Variants in ZNF644 observed in about 807,000 individuals in gnomAD.
ZNF644 encodes the protein zinc finger motif enhancer binding protein 2.
A neutral mutation model predicts 108.0 loss-of-function variants in ZNF644; 20 were observed. The ratio of observed to expected loss-of-function variants is 0.19; its 90% CI spans 0.13 to 0.27. The LOEUF is 0.27. ZNF644 is among the 10% of genes least tolerant of loss of function. The pLI, the probability that ZNF644 is intolerant of heterozygous loss-of-function variation, is 1.00. For synonymous variants in ZNF644, 542 were observed against 539.1 expected (o/e 1.01, Z -0.08); for missense variants, 1,338 against 1,548.9 (o/e 0.86, Z 2.29).
At chr1:90,991,862 A>G (rs1158314718) in intron 1 of ZNF644, among the ~76,000 whole-genome samples, 1 of 152,188 alleles carries the variant, frequency 6.6e-6, no homozygotes, top group African/African-American at 2.4e-5. Flanking sequence ...ATGTCAAACG[A>G]TTTGTATGCA....
chr1:90,937,880 C>T lies in ZNF644; in HGVS notation c.3293G>A (p.Ser1098Asn). Residue 1098 changes from serine (S) to asparagine (N), a missense_variant, in exon 4 of 6, where the codon AGT becomes AAT. Ser to Asn is a conservative substitution (Grantham distance 46). Around this residue, in one of 6 missense-constraint regions of ZNF644, gnomAD observed 287 missense variants for 310.9 expected, o/e 0.92. Transcript: ENST00000337393. ...AAATGGTCTGGGAATAATACGACGA[C>T]TGTTCAATGCCTTTAAGATTTTTTC... ...KYEKILKALN[S>N]RRIIPRPFVA... 1 of 1,613,878 alleles carries T rather than the reference C, an allele frequency of 6.2e-7. No individual in the cohort carries two copies. The highest frequency in any genetic ancestry group is 1.7e-5 in the Admixed American group (1 of 60,014).
intron 2 of ZNF644, 78 bp from the exon 3 acceptor site, chr1:90,941,387 A>G: frequency 7.7e-7 from 1 of 1,304,144 alleles, no homozygotes; most frequent in Non-Finnish European, 1.1e-6. Flanking sequence ...TTGAAAGTAC[A>G]TATTTTTATT....
intron 1 of ZNF644, among the ~76,000 whole-genome samples, chr1:90,990,044 T>TTATAACTGAAATAAGCCAATCAC (rs1657487749): frequency 4.6e-5 from 7 of 152,184 alleles, no homozygotes; most frequent in Admixed American, 4.6e-4. Context: ...CTCAAGGGCA[T>TTATAACTGAAATAAGCCAATCAC]TATAACTGAA....
intron 1 of ZNF644, among the ~76,000 whole-genome samples, chr1:90,998,766 G>T (rs555560520): frequency 6.6e-6 from 1 of 152,310 alleles, no homozygotes; most frequent in South Asian, 2.1e-4. Flanking sequence ...AAAGGAGGAA[G>T]TTCAAACCCA....
At chr1:90,920,710 T>C (rs1649333093) in intron 4 of ZNF644, among the ~76,000 whole-genome samples, 1 of 152,022 alleles carries the variant, frequency 6.6e-6, no homozygotes, top group Non-Finnish European at 1.5e-5. Context: ...AGGACAACTC[T>C]GCCAGCTTAT....
intron 1 of ZNF644, among the ~76,000 whole-genome samples, chr1:91,004,419 A>T (rs1659210992): frequency 6.6e-6 from 1 of 152,232 alleles, no homozygotes; most frequent in Non-Finnish European, 1.5e-5. Flanking sequence ...GTACTGAAAG[A>T]AAAAGACTCG....
intron 1 of ZNF644, among the ~76,000 whole-genome samples, chr1:90,986,774 G>A (rs1657146382): frequency 6.6e-6 from 1 of 151,470 alleles, no homozygotes; most frequent in Non-Finnish European, 1.5e-5. Context: ...TTATATAAAA[G>A]GTAGGTCACA....
chr1:91,016,395 A>T (rs2100684468), intron 1 of ZNF644, among the ~76,000 whole-genome samples: 1 of 152,292 alleles, frequency 6.6e-6, no homozygotes, highest in Admixed American at 6.5e-5. Context: ...GCCTACTTAC[A>T]CACCTAGGCT....
intron 4 of ZNF644, among the ~76,000 whole-genome samples, chr1:90,936,989 A>G (rs1045775516): frequency 2.0e-5 from 3 of 152,192 alleles, no homozygotes; most frequent in African/African-American, 7.2e-5. Flanking sequence ...TAATCACAAC[A>G]GACACCAATC....
intron 1 of ZNF644, among the ~76,000 whole-genome samples, chr1:91,017,816 G>C (rs1275584913): frequency 6.6e-6 from 1 of 152,036 alleles, no homozygotes; most frequent in East Asian, 1.9e-4. Context: ...ACAAACATTA[G>C]CCAGGTGTGG....
In ZNF644 at chr1:90,938,565, A is replaced by C. The variant is rs1323830772; in HGVS notation, c.2789T>G (p.Leu930Trp). Residue 930 changes from leucine (L) to tryptophan (W), a missense_variant, in exon 3 of 6, where the codon TTG (leucine) becomes TGG (tryptophan). Leu to Trp is a moderately conservative substitution (Grantham distance 61). Around this residue, in one of 6 missense-constraint regions of ZNF644, gnomAD observed 462 missense variants for 472.6 expected, o/e 0.98. Transcript: ENST00000337393. The surrounding 1 kb of genome is among the most constrained non-coding windows in gnomAD (Gnocchi z 4.2). The part of the protein sequence containing the change: ...YYEDTGSNNF[L>W]HEIHDPQHLE... The stretch of plus-strand genomic sequence containing the variant: ...ATGCTGAGGATCATGTATCTCATGC[A>C]AAAAGTTGTTACTTCCAGTATCTTC... 6.2e-7 allele frequency: 1 copy of C among 1,613,794 alleles called. No homozygotes were observed. Among genetic ancestry groups the C allele is most frequent in the Non-Finnish European group, 8.5e-7 (1 of 1,179,892 alleles).
intron 2 of ZNF644, among the ~76,000 whole-genome samples, chr1:90,968,588 G>A (rs1484587442): frequency 6.6e-6 from 1 of 152,046 alleles, no homozygotes; most frequent in Non-Finnish European, 1.5e-5. Flanking sequence ...CCTAAACAAT[G>A]ACTATCTCCA....
intron 1 of ZNF644, among the ~76,000 whole-genome samples, chr1:91,018,085 C>G (rs165158): frequency 5.7e-4 from 87 of 152,306 alleles, no homozygotes; most frequent in Middle Eastern, 3.4e-3. Flanking sequence ...TTCATGGGAA[C>G]TTCCTCTCCC....
At position 90,916,532 on chromosome 1, in the gene ZNF644, C is replaced by T. The variant is rs1454835076; in HGVS notation, c.*266G>A. On this transcript the variant is annotated 3_prime_UTR_variant, in exon 6 of 6. Transcript: ENST00000337393. ...TCCATGTGCAACAGTTTATTAATGG[C>T]TGCTTACATGTACTGCTCTTTTACT... 2.2e-6 allele frequency: 1 copy of T among 458,034 alleles called. No homozygotes were observed. Among genetic ancestry groups the T allele is most frequent in the East Asian group, 4.3e-5 (1 of 23,460 alleles). 28.4% of individuals were successfully genotyped at this position (458,034 alleles called of 1,614,324 possible). A position where few individuals can be genotyped will look rare whatever the true frequency, so the allele number is the denominator to read the frequency against.
Position 90,938,911 on chromosome 1 carries a change from A to G in ZNF644, c.2443T>C (p.Ser815Pro). 6.2e-7 allele frequency: 1 copy of G among 1,613,990 alleles called. No homozygotes were observed. Among genetic ancestry groups the G allele is most frequent in the Non-Finnish European group, 8.5e-7 (1 of 1,179,936 alleles). Reference protein sequence around the residue: ...RVAVKRVIKESKKESSVGGED... With the variant: ...RVAVKRVIKEPKKESSVGGED... The stretch of plus-strand genomic sequence containing the variant: ...CCTCCAACAGAACTTTCCTTCTTAG[A>G]TTCCTTAATTACTCTCTTTACAGCT... The change falls in exon 3 of 6, where the codon TCT (serine) becomes CCT (proline). Residue 815 changes from serine to proline, a missense_variant. Coordinates refer to ENST00000337393, the MANE Select transcript of ZNF644 (RefSeq NM_201269.3). The surrounding 1 kb of genome is among the most constrained non-coding windows in gnomAD (Gnocchi z 4.2).
chr1:90,928,949 T>C (rs1012238661), intron 4 of ZNF644, among the ~76,000 whole-genome samples: 2 of 152,208 alleles, frequency 1.3e-5, no homozygotes, highest in Admixed American at 6.5e-5. Context: ...GGTTATATTA[T>C]GTTTATGCAG....
chr1:90,920,036 T>C (rs1649251667), intron 4 of ZNF644, among the ~76,000 whole-genome samples: 3 of 152,090 alleles, frequency 2.0e-5, no homozygotes, highest in Admixed American at 2.0e-4. Context: ...AAAAACCTTT[T>C]TCCTAATCGC....
intron 1 of ZNF644, among the ~76,000 whole-genome samples, chr1:91,019,493 A>C (rs1159395314): frequency 6.6e-6 from 1 of 152,204 alleles, no homozygotes; most frequent in African/African-American, 2.4e-5. Flanking sequence ...AAACTATCTG[A>C]TATTTCTGTA....
intron 4 of ZNF644, among the ~76,000 whole-genome samples, chr1:90,926,077 T>C (rs1386270289): frequency 6.6e-6 from 1 of 152,124 alleles, no homozygotes. Flanking sequence ...CCCACTGATA[T>C]CAACCAATTG....
Sources: allele counts gnomAD v4.1 joint callset (sites outside exome capture counted in the v4.1 genomes callset), GRCh38; gene constraint gnomAD v4.1.1; regional missense constraint gnomAD v4.1.1; non-coding constraint Gnocchi (gnomAD v3.1); transcripts MANE v1.5; gene names NCBI Gene and HGNC (gene_info 2026-07-23, HGNC 2026-07-21).